GPATCH8: variants seen among roughly 807,000 people sequenced by gnomAD.
GPATCH8 encodes the protein G-patch domain containing 8.
A neutral mutation model predicts 118.3 loss-of-function variants in GPATCH8; 18 were observed. The ratio of observed to expected loss-of-function variants is 0.15; its 90% CI spans 0.11 to 0.23. The LOEUF (loss-of-function observed/expected upper bound fraction) is 0.23. GPATCH8 is among the 10% of genes least tolerant of loss of function. GPATCH8 has a pLI of 1.00. For synonymous variants in GPATCH8, 659 were observed against 684.7 expected, an observed-to-expected ratio of 0.96 and a Z score of 0.59; for missense variants, 1,631 against 1,873.8, an observed-to-expected ratio of 0.87 and a Z score of 2.39.
At chr17:44,449,513 CTTTT>C (rs752494488) in intron 3 of GPATCH8, among the ~76,000 whole-genome samples, 2 of 124,778 alleles carry the variant, frequency 1.6e-5, no homozygotes, top group South Asian at 5.4e-4. Flanking sequence ...TCAGAATCTA[CTTTT>C]TTTTTTTTTT....
chr17:44,464,529 G>A lies in GPATCH8; in HGVS notation c.136C>T (p.Arg46Cys), dbSNP rs776478609. Residue 46 changes from arginine (R) to cysteine (C), a missense_variant, in exon 3 of 8, where the codon CGC becomes TGC. By Grantham distance (180) the Arg-to-Cys change is radical. Coordinates refer to ENST00000591680, the MANE Select transcript of GPATCH8 (RefSeq NM_001002909.4). ...TTCCACCCATGTTTCTGGAGTAAGCGGTGTCCAATATTATCCTGACAGACA... is the reference window on the plus strand; with the variant it reads ...TTCCACCCATGTTTCTGGAGTAAGCAGTGTCCAATATTATCCTGACAGACA... ...KPIESDNIGH[R>C]LLQKHGWKLG... 2 of 1,597,088 alleles carry A rather than the reference G, an allele frequency of 1.3e-6. No individual in the cohort carries two copies. The highest frequency in any genetic ancestry group is 2.2e-5 in the East Asian group (1 of 44,788).
intron 2 of GPATCH8, chr17:44,467,012 G>T: frequency 2.0e-6 from 1 of 490,854 alleles, no homozygotes; most frequent in Non-Finnish European, 3.8e-6. Context: ...GTTATATTAT[G>T]AATGCACTCA....
chr17:44,409,003 G>A (rs1353801833), intron 6 of GPATCH8: 1 of 152,176 alleles, frequency 6.6e-6, no homozygotes, highest in Non-Finnish European at 1.5e-5. Flanking sequence ...ATCTCAAACT[G>A]AGTATGTATA....
chr17:44,424,312 A>G, intron 6 of GPATCH8, 37 bp downstream of exon 6: 1 of 1,378,618 alleles, frequency 7.3e-7, no homozygotes, highest in Non-Finnish European at 1.0e-6. Context: ...AACAATAGAT[A>G]GGTACCTTCT....
At chr17:44,406,278 A>T (rs1301677287) in intron 6 of GPATCH8, among the ~76,000 whole-genome samples, 1 of 152,216 alleles carries the variant, frequency 6.6e-6, no homozygotes, top group South Asian at 2.1e-4. Flanking sequence ...TTGCTTTATT[A>T]GGCAAAATAA....
At chr17:44,408,809 A>C (rs912001169) in intron 6 of GPATCH8, among the ~76,000 whole-genome samples, 1 of 152,186 alleles carries the variant, frequency 6.6e-6, no homozygotes, top group African/African-American at 2.4e-5. Flanking sequence ...GATGGGATGA[A>C]GCAATAAAAC....
At chr17:44,476,387 T>A (rs9909648) in intron 1 of GPATCH8, among the ~76,000 whole-genome samples, 5,590 of 152,170 alleles carry the variant, frequency 0.037, 343 homozygotes, top group African/African-American at 0.13. Context: ...TGTATTTTAG[T>A]AGAGTCAGGG....
intron 6 of GPATCH8, among the ~76,000 whole-genome samples, chr17:44,406,910 G>A (rs1229425295): frequency 2.0e-5 from 3 of 152,162 alleles, no homozygotes; most frequent in Non-Finnish European, 2.9e-5. Flanking sequence ...ACAGAACCCA[G>A]ACATATCTAT....
At chr17:44,436,236 T>C (rs990354039) in intron 4 of GPATCH8, among the ~76,000 whole-genome samples, 1 of 152,220 alleles carries the variant, frequency 6.6e-6, no homozygotes, top group African/African-American at 2.4e-5. Context: ...CCTTGCTGTA[T>C]AACCCTCGGC....
At chr17:44,485,264 C>T (rs7502468) in intron 1 of GPATCH8, among the ~76,000 whole-genome samples, 81,603 of 151,930 alleles carry the variant, frequency 0.54, 22,581 homozygotes, top group Middle Eastern at 0.62. Flanking sequence ...CCACCACACC[C>T]GTCTAATGTT....
At chr17:44,474,227 C>A (rs764190912) in intron 2 of GPATCH8, among the ~76,000 whole-genome samples, 1 of 151,920 alleles carries the variant, frequency 6.6e-6, no homozygotes, top group Non-Finnish European at 1.5e-5. Context: ...AAACTAAGAG[C>A]CAGGTAAATA....
At chr17:44,473,668 G>A (rs910626799) in intron 2 of GPATCH8, 5 of 152,208 alleles carry the variant, frequency 3.3e-5, no homozygotes, top group African/African-American at 1.2e-4. Context: ...AAAGGGAGGT[G>A]GGGAGAAAGA....
chr17:44,464,073 T>A (rs1406074416), intron 3 of GPATCH8, among the ~76,000 whole-genome samples: 2 of 152,110 alleles, frequency 1.3e-5, no homozygotes, highest in Non-Finnish European at 2.9e-5. Flanking sequence ...AGAATAAAAA[T>A]TAAATTCTGC....
intron 3 of GPATCH8, among the ~76,000 whole-genome samples, chr17:44,451,075 C>G (rs552500668): frequency 1.3e-5 from 2 of 152,258 alleles, no homozygotes; most frequent in Admixed American, 1.3e-4. Context: ...GAGGTTCTAT[C>G]TTATTCACTC....
At chr17:44,463,772 T>A (rs2051653907) in intron 3 of GPATCH8, among the ~76,000 whole-genome samples, 1 of 152,230 alleles carries the variant, frequency 6.6e-6, no homozygotes, top group Non-Finnish European at 1.5e-5. Flanking sequence ...GAGAACGCAG[T>A]TGGTTGGTTT....
chr17:44,450,135 T>C (rs944138175), intron 3 of GPATCH8, among the ~76,000 whole-genome samples: 9 of 152,202 alleles, frequency 5.9e-5, no homozygotes, highest in East Asian at 1.9e-4. Context: ...AGAGTTAGAA[T>C]TGAACCCAGG....
chr17:44,437,658 A>C (rs199971634), intron 3 of GPATCH8, among the ~76,000 whole-genome samples: 14 of 73,174 alleles, frequency 1.9e-4, no homozygotes, highest in African/African-American at 3.8e-4. Flanking sequence ...TCCCAACCCC[A>C]AAAAAAACTT....
chr17:44,474,865 T>C lies in GPATCH8; in HGVS notation c.84A>G (p.Glu28=). 1 of 1,583,354 alleles carries C rather than the reference T, an allele frequency of 6.3e-7. No homozygotes were observed. The highest frequency in any genetic ancestry group is 8.7e-7 in the Non-Finnish European group (1 of 1,152,220). The change falls in exon 2 of 8, where the codon GAA becomes GAG. Residue 28 remains glutamate, a synonymous_variant. Coordinates refer to ENST00000591680, the MANE Select transcript of GPATCH8 (RefSeq NM_001002909.4). The part of the protein sequence containing the change: ...HFDQYEEGHL[E]IEQASLDKPI... ...GCTTGTCAAGTGACGCTTGTTCAAT[T>C]TCCAAGTGTCCTTCCTCATACTGAT... is the stretch of plus-strand genomic sequence containing the variant.
chr17:44,428,220 C>T (rs1355969020), intron 5 of GPATCH8, among the ~76,000 whole-genome samples: 1 of 149,902 alleles, frequency 6.7e-6, no homozygotes, highest in Non-Finnish European at 1.5e-5. Context: ...AGGCTGGGTG[C>T]GGTGGCTCAT....
Sources: allele counts gnomAD v4.1 joint callset (sites outside exome capture counted in the v4.1 genomes callset), GRCh38; gene constraint gnomAD v4.1.1; transcripts MANE v1.5; gene names NCBI Gene and HGNC (gene_info 2026-07-23, HGNC 2026-07-21).